RNF13: variants seen among roughly 807,000 people sequenced by gnomAD.
RNF13 encodes E3 ubiquitin-protein ligase RNF13.
RNF13 carries 19 observed loss-of-function variants against 37.7 expected under a neutral mutation model. That is an observed-to-expected ratio of 0.50 (90% CI 0.35 to 0.74). RNF13 has a LOEUF of 0.74. Among genes scored for constraint, RNF13 ranks in the 30% least tolerant of loss-of-function variants. The pLI, the probability that RNF13 is intolerant of heterozygous loss-of-function variation, is 0.01. For synonymous variants in RNF13, 144 were observed against 157.8 expected (o/e 0.91, Z 0.65); for missense variants, 375 against 453.0 (o/e 0.83, Z 1.56).
chr3:149,857,264 C>T (rs1576773311), intron 3 of RNF13, among the ~76,000 whole-genome samples: 1 of 152,188 alleles, frequency 6.6e-6, no homozygotes, highest in East Asian at 1.9e-4. Flanking sequence ...TATTTAAAGC[C>T]TTTTTCTGTC....
At chr3:149,931,320 C>T (rs766612191) in intron 8 of RNF13, among the ~76,000 whole-genome samples, 1 of 152,092 alleles carries the variant, frequency 6.6e-6, no homozygotes, top group African/African-American at 2.4e-5. Flanking sequence ...ACTTTGGCCT[C>T]CCAAAGTGCT....
At chr3:149,918,955 G>A (rs978506746) in intron 7 of RNF13, among the ~76,000 whole-genome samples, 8 of 152,030 alleles carry the variant, frequency 5.3e-5, no homozygotes, top group African/African-American at 1.9e-4. Flanking sequence ...TTTGAAAACG[G>A]TGGATTTAAT....
chr3:149,951,015 C>G (rs1721273670), intron 8 of RNF13, among the ~76,000 whole-genome samples: 1 of 152,116 alleles, frequency 6.6e-6, no homozygotes, highest in African/African-American at 2.4e-5. Context: ...GGGGAAAGGC[C>G]TTGTTCAGAA....
chr3:149,920,374 T>TA (rs1717992721), intron 7 of RNF13, among the ~76,000 whole-genome samples: 1 of 152,106 alleles, frequency 6.6e-6, no homozygotes, highest in Non-Finnish European at 1.5e-5. Flanking sequence ...TAGCTGGAAC[T>TA]ACAGGCACAC....
chr3:149,905,888 A>G (rs1048657869), intron 6 of RNF13, among the ~76,000 whole-genome samples: 4 of 152,158 alleles, frequency 2.6e-5, no homozygotes, highest in African/African-American at 9.7e-5. Context: ...TGATTTGAGT[A>G]TATTTATAGA....
chr3:149,943,810 CT>C (rs539953675), intron 8 of RNF13, among the ~76,000 whole-genome samples: 2,147 of 146,140 alleles, frequency 0.015, 52 homozygotes, highest in African/African-American at 0.048. Context: ...GTTCTTTTGT[CT>C]TTTTTTTTTT....
intron 4 of RNF13, among the ~76,000 whole-genome samples, chr3:149,884,849 C>CTG (rs137868474): frequency 7.4e-4 from 111 of 150,138 alleles, no homozygotes; most frequent in African/African-American, 2.4e-3. Flanking sequence ...CTTATTTATT[C>CTG]TGTGTGTGTG....
At chr3:149,825,898 A>G (rs1720454074) in intron 1 of RNF13, among the ~76,000 whole-genome samples, 1 of 151,960 alleles carries the variant, frequency 6.6e-6, no homozygotes, top group Admixed American at 6.5e-5. Context: ...CATATTCATC[A>G]CTCTTAGAAG....
At chr3:149,854,787 T>C (rs572043143) in intron 3 of RNF13, among the ~76,000 whole-genome samples, 1 of 152,340 alleles carries the variant, frequency 6.6e-6, no homozygotes, top group South Asian at 2.1e-4. Context: ...TCAGACTGTT[T>C]CCTTACATGT....
chr3:149,907,636 G>A (rs926724712), intron 6 of RNF13, among the ~76,000 whole-genome samples: 1 of 151,958 alleles, frequency 6.6e-6, no homozygotes, highest in Non-Finnish European at 1.5e-5. Context: ...ATTATCTCTG[G>A]GCCGTAGCCT....
intron 3 of RNF13, among the ~76,000 whole-genome samples, chr3:149,857,911 G>C (rs1394298739): frequency 6.6e-6 from 1 of 152,144 alleles, no homozygotes; most frequent in Non-Finnish European, 1.5e-5. Context: ...CCCATTGTGG[G>C]GGTGTTGGAA....
At position 149,818,731 on chromosome 3, in the gene RNF13, G is replaced by A. The variant is rs147335896; in HGVS notation, c.-17+5378G>A. Reference sequence around the variant, plus strand: ...GTTCGAGGCCAGCCTGGGCAACATGGTAAAACCCCATTTGTACTAAAATAC... The same window carrying A: ...GTTCGAGGCCAGCCTGGGCAACATGATAAAACCCCATTTGTACTAAAATAC... On this transcript the variant is annotated intron_variant, in intron 1 of 9. Transcript: ENST00000392894. 3.5e-3 allele frequency among the ~76,000 whole-genome samples: 530 copies of A among 152,142 alleles called. 1 individual carries two copies. Among genetic ancestry groups the A allele is most frequent in the Middle Eastern group, 6.8e-3 (2 of 294 alleles).
intron 3 of RNF13, among the ~76,000 whole-genome samples, chr3:149,862,485 A>G (rs866144487): frequency 6.6e-6 from 1 of 152,072 alleles, no homozygotes; most frequent in Non-Finnish European, 1.5e-5. Flanking sequence ...ACATACATAT[A>G]TATATTTTTT....
chr3:149,853,460 GA>G (rs1559907841), intron 3 of RNF13, among the ~76,000 whole-genome samples: 6 of 30,348 alleles, frequency 2.0e-4, no homozygotes, highest in African/African-American at 3.9e-4. Context: ...GAGAGGGAGA[GA>G]GAGAGAGAGA....
At chr3:149,889,228 C>T (rs1714392974) in intron 4 of RNF13, among the ~76,000 whole-genome samples, 1 of 150,632 alleles carries the variant, frequency 6.6e-6, no homozygotes, top group Non-Finnish European at 1.5e-5. Context: ...TGAGCCACTG[C>T]ACCTGGCCCC....
At chr3:149,875,346 T>C (rs1172828837) in intron 4 of RNF13, among the ~76,000 whole-genome samples, 2 of 152,196 alleles carry the variant, frequency 1.3e-5, no homozygotes, top group Non-Finnish European at 2.9e-5. Flanking sequence ...TATCGAGTTA[T>C]TCCAGATGAT....
chr3:149,837,943 A>C (rs1445446013), intron 1 of RNF13, among the ~76,000 whole-genome samples: 2 of 152,226 alleles, frequency 1.3e-5, no homozygotes, highest in Non-Finnish European at 2.9e-5. Flanking sequence ...AAAGCCAATC[A>C]GTCACTTCCT....
chr3:149,939,200 A>G (rs886164015), intron 8 of RNF13: 1 of 513,058 alleles, frequency 1.9e-6, no homozygotes, highest in African/African-American at 2.0e-5. Context: ...TTCCATTCTG[A>G]TTTGACTTCT....
At chr3:149,940,838 T>C (rs1486864233) in intron 8 of RNF13, among the ~76,000 whole-genome samples, 2 of 152,166 alleles carry the variant, frequency 1.3e-5, no homozygotes, top group Non-Finnish European at 2.9e-5. Context: ...CACTAAATAC[T>C]AATAATTCCC....
Sources: allele counts gnomAD v4.1 joint callset (sites outside exome capture counted in the v4.1 genomes callset), GRCh38; gene constraint gnomAD v4.1.1; transcripts MANE v1.5; gene names NCBI Gene and HGNC (gene_info 2026-07-23, HGNC 2026-07-21).